Variants in APBB1IP observed in about 807,000 individuals in gnomAD.
APBB1IP encodes the protein amyloid beta precursor protein binding family B member 1 interacting protein.
In APBB1IP, 27 loss-of-function variants were observed where a neutral mutation model predicts 64.9. The observed-to-expected ratio is 0.42, with a 90% CI of 0.31 to 0.57. The LOEUF (loss-of-function observed/expected upper bound fraction) is 0.57. APBB1IP is among the 20% of genes least tolerant of loss of function. The pLI is 0.20. For missense variants in APBB1IP, 812 were observed against 845.5 expected (o/e 0.96, Z 0.49); for synonymous variants, 392 against 331.0 (o/e 1.18, Z -2.00).
chr10:26,536,582 A>G (rs35887598), intron 10 of APBB1IP, among the ~76,000 whole-genome samples: 14,608 of 146,736 alleles, frequency 0.1, 993 homozygotes, highest in East Asian at 0.22. Context: ...AATCTTGATA[A>G]GATTTTCTTT....
chr10:26,541,203 A>G (rs1481627090), intron 10 of APBB1IP, among the ~76,000 whole-genome samples: 1 of 152,222 alleles, frequency 6.6e-6, no homozygotes, highest in East Asian at 1.9e-4. Context: ...ACAAATAATA[A>G]TTGTACATAT....
At chr10:26,559,798 T>C (rs1332069628) in intron 11 of APBB1IP, among the ~76,000 whole-genome samples, 1 of 151,798 alleles carries the variant, frequency 6.6e-6, no homozygotes, top group African/African-American at 2.4e-5. Context: ...TCTTTTTCTT[T>C]TTTTCTTTTT....
intron 2 of APBB1IP, among the ~76,000 whole-genome samples, chr10:26,486,256 G>A (rs1325953656): frequency 2.0e-5 from 3 of 152,128 alleles, no homozygotes; most frequent in Non-Finnish European, 4.4e-5. Context: ...GCAATTTGCA[G>A]CAACGGTGGT....
At chr10:26,508,624 A>C (rs1309408710) in intron 6 of APBB1IP, among the ~76,000 whole-genome samples, 3 of 152,138 alleles carry the variant, frequency 2.0e-5, no homozygotes, top group African/African-American at 7.2e-5. Context: ...AAATCACATA[A>C]CTGTGATTTA....
intron 13 of APBB1IP, 62 bp from the exon 14 acceptor site, chr10:26,562,264 C>T (rs926174782): frequency 3.2e-6 from 4 of 1,247,696 alleles, no homozygotes; most frequent in South Asian, 1.2e-5. Flanking sequence ...ATTTTCAGAT[C>T]GACTTTCAAG....
intron 2 of APBB1IP, among the ~76,000 whole-genome samples, chr10:26,454,601 T>A (rs1589191046): frequency 6.6e-6 from 1 of 151,968 alleles, no homozygotes; most frequent in South Asian, 2.1e-4. Context: ...AGATGTGGGG[T>A]AGTTAATGGG....
At chr10:26,451,640 CAGG>C (rs1298449749) in intron 2 of APBB1IP, among the ~76,000 whole-genome samples, 5 of 152,130 alleles carry the variant, frequency 3.3e-5, no homozygotes, top group African/African-American at 1.2e-4. Context: ...AACCCTTTTT[CAGG>C]AGATGTGGAA....
At position 26,521,316 on chromosome 10, in the gene APBB1IP, G is replaced by A. The variant is rs181444174; in HGVS notation, c.813+7656G>A. Among the ~76,000 whole-genome samples, 38 of 152,210 alleles carry A rather than the reference G, an allele frequency of 2.5e-4. No homozygotes were observed. The East Asian group carries it at 5.2e-3, about 21-fold the overall frequency. On this transcript the variant is annotated intron_variant, in intron 8 of 14. Coordinates refer to ENST00000376236, the MANE Select transcript of APBB1IP (RefSeq NM_019043.4). ...CATCAACTCTCAGTGGTGATCCTTG[G>A]GTATAAGAACAGATATTGCTCTAAT...
At chr10:26,485,134 G>C (rs1261880898) in intron 2 of APBB1IP, among the ~76,000 whole-genome samples, 3 of 152,190 alleles carry the variant, frequency 2.0e-5, no homozygotes, top group Non-Finnish European at 4.4e-5. Context: ...ACACATCTGT[G>C]TGAGTATCAG....
At chr10:26,466,551 A>G (rs1833496075) in intron 2 of APBB1IP, among the ~76,000 whole-genome samples, 2 of 152,360 alleles carry the variant, frequency 1.3e-5, no homozygotes, top group South Asian at 4.1e-4. Flanking sequence ...CTATAATCCC[A>G]GCACTTTGGG....
intron 3 of APBB1IP, among the ~76,000 whole-genome samples, chr10:26,495,284 G>T (rs567945053): frequency 6.6e-6 from 1 of 151,900 alleles, no homozygotes; most frequent in Non-Finnish European, 1.5e-5. Flanking sequence ...GGGATTACAG[G>T]TGTGAGCCAA....
At chr10:26,545,049 T>C (rs1836742692) in intron 11 of APBB1IP, among the ~76,000 whole-genome samples, 1 of 152,180 alleles carries the variant, frequency 6.6e-6, no homozygotes, top group East Asian at 1.9e-4. Context: ...TAAAGCCAAT[T>C]TCCTCATGTG....
rs1836382585 is a variant in APBB1IP at position 26,519,882 on chromosome 10, A to G, written c.813+6222A>G. Among the ~76,000 whole-genome samples the G allele has an allele frequency of 2.6e-5, 4 of 152,174 alleles. No individual in the cohort carries two copies. In the South Asian group the frequency reaches 8.3e-4, roughly 31 times the overall value. On this transcript the variant is annotated intron_variant, in intron 8 of 14. Coordinates refer to ENST00000376236, the MANE Select transcript of APBB1IP (RefSeq NM_019043.4). ...GCTTCTGCCTGCTGACCTTAGAGTGAGAGAAGCAGGCTGTGACCATTCTCA... is the reference window on the plus strand; with the variant it reads ...GCTTCTGCCTGCTGACCTTAGAGTGGGAGAAGCAGGCTGTGACCATTCTCA...
intron 12 of APBB1IP, 118 bp from the exon 13 acceptor site, chr10:26,560,612 A>G: frequency 3.1e-6 from 2 of 650,488 alleles, no homozygotes; most frequent in Admixed American, 6.3e-5. Flanking sequence ...CAACTCAGAC[A>G]AGTGGTGAAC....
chr10:26,466,752 G>A (rs943674848), intron 2 of APBB1IP, among the ~76,000 whole-genome samples: 1 of 151,966 alleles, frequency 6.6e-6, no homozygotes, highest in Non-Finnish European at 1.5e-5. Flanking sequence ...CTTGGGCAAC[G>A]TAGTGAGACC....
chr10:26,467,127 A>G (rs969331277), intron 2 of APBB1IP, among the ~76,000 whole-genome samples: 1 of 151,944 alleles, frequency 6.6e-6, no homozygotes, highest in African/African-American at 2.4e-5. Context: ...GCTGGTCTCG[A>G]ACTCCTGGCC....
At chr10:26,496,238 G>A in intron 3 of APBB1IP, 66 bp from the exon 4 acceptor site, 1 of 1,224,944 alleles carries the variant, frequency 8.2e-7, no homozygotes, top group Non-Finnish European at 1.2e-6. Flanking sequence ...TTGACTTGCT[G>A]AGTAAAGTGT....
Position 26,519,796 on chromosome 10 carries a change from T to TTAAGTGGCCAATTTTAA in APBB1IP, c.813+6136_813+6137insTAAGTGGCCAATTTTAA, listed in dbSNP as rs1488617617. Reference sequence around the variant, plus strand: ...TTTGAAGTGGCCAATTTTAAGTAAATGTATTTCCATTTTCTCAGTGTTTGA... The same window carrying TTAAGTGGCCAATTTTAA: ...TTTGAAGTGGCCAATTTTAAGTAAATTAAGTGGCCAATTTTAAGTATTTCCATTTTCTCAGTGTTTGA... On this transcript the variant is annotated intron_variant, in intron 8 of 14. Transcript: ENST00000376236. Among the ~76,000 whole-genome samples, 9 of 152,332 alleles carry TTAAGTGGCCAATTTTAA rather than the reference T, an allele frequency of 5.9e-5. No individual in the cohort carries two copies. The East Asian group carries it at 1.4e-3, about 23-fold the overall frequency.
At chr10:26,546,349 G>GC (rs1200102408) in intron 11 of APBB1IP, among the ~76,000 whole-genome samples, 3 of 152,148 alleles carry the variant, frequency 2.0e-5, no homozygotes, top group Non-Finnish European at 4.4e-5. Flanking sequence ...ACATTGCTAG[G>GC]CCCCCAGGGT....
Sources: allele counts gnomAD v4.1 joint callset (sites outside exome capture counted in the v4.1 genomes callset), GRCh38; gene constraint gnomAD v4.1.1; transcripts MANE v1.5; gene names NCBI Gene and HGNC (gene_info 2026-07-23, HGNC 2026-07-21).